The following PARVB variants were observed in gnomAD, a reference collection of about 807,000 sequenced individuals.
PARVB encodes beta-parvin.
Under a neutral mutation model 47.0 loss-of-function variants are expected in PARVB, and 46 were observed. The ratio of observed to expected loss-of-function variants is 0.98; its 90% CI spans 0.77 to 1.25. The LOEUF is 1.25. PARVB is among the 50% of genes most tolerant of loss of function. The probability of loss-of-function intolerance (pLI) is 0.00; values close to 1 mark genes in which losing one functional copy is unlikely to be tolerated. For synonymous variants in PARVB, 196 were observed against 196.3 expected (o/e 1.00, Z 0.01); for missense variants, 473 against 471.6 (o/e 1.00, Z -0.03).
intron 1 of PARVB, among the ~76,000 whole-genome samples, chr22:44,030,756 G>C (rs1478297539): frequency 6.9e-6 from 1 of 144,248 alleles, no homozygotes; most frequent in African/African-American, 2.7e-5. Flanking sequence ...TTGTGGGAGG[G>C]GTGGGAAAGG....
rs2054245271 is a variant in PARVB at position 44,169,597 on chromosome 22, A to C, written c.*919A>C. Reference sequence around the variant, plus strand: ...AGTGGCTCAGACATCAGAGAATTACATCCTCAGGCCTTTCGCCTTGGCTTG... The same window carrying C: ...AGTGGCTCAGACATCAGAGAATTACCTCCTCAGGCCTTTCGCCTTGGCTTG... On this transcript the variant is annotated 3_prime_UTR_variant, in exon 13 of 13. Coordinates refer to ENST00000338758, the MANE Select transcript of PARVB (RefSeq NM_013327.5). The C allele has an allele frequency of 6.6e-6, 1 of 150,502 alleles. No individual in the cohort carries two copies. The highest frequency in any genetic ancestry group is 2.5e-5 in the African/African-American group (1 of 39,794). 9.3% of individuals were successfully genotyped at this position (150,502 alleles called of 1,614,324 possible). A position where few individuals can be genotyped will look rare whatever the true frequency, so the allele number is the denominator to read the frequency against.
intron 2 of PARVB, among the ~76,000 whole-genome samples, chr22:44,006,450 G>A (rs558888375): frequency 1.1e-4 from 16 of 152,134 alleles, no homozygotes; most frequent in Non-Finnish European, 2.2e-4. Context: ...ATAGTGAAAC[G>A]CTGTCTCTAA....
At chr22:44,066,780 TCTCCTCCTCCTCCTCCTCCTC>T (rs199990350) in intron 1 of PARVB, among the ~76,000 whole-genome samples, 3 of 48,076 alleles carry the variant, frequency 6.2e-5, no homozygotes, top group Non-Finnish European at 1.2e-4. Flanking sequence ...CTTAATTATT[TCTCCTCCTCCTCCTCCTCCTC>T]CTCCTCCTCC....
At chr22:44,100,655 T>C (rs2052421311) in intron 3 of PARVB, among the ~76,000 whole-genome samples, 1 of 152,040 alleles carries the variant, frequency 6.6e-6, no homozygotes, top group Non-Finnish European at 1.5e-5. Flanking sequence ...CAGGGAACAG[T>C]GAGGGAAGGG....
intron 4 of PARVB, among the ~76,000 whole-genome samples, chr22:44,129,481 G>T (rs1482425224): frequency 1.3e-5 from 2 of 152,232 alleles, no homozygotes; most frequent in Non-Finnish European, 2.9e-5. Context: ...GGTGGCAGGT[G>T]CAACGGGGGC....
rs75859895 is a variant in PARVB, at chr22:44,125,076, G to A, written c.376+5936G>A. ...CAGGTGGTGGTGAGGGTGGGGGGAT[G>A]AGGTGCTGGGGAGGCCATGTCCCAT... On this transcript the variant is annotated intron_variant, in intron 4 of 12. Coordinates refer to ENST00000338758, the MANE Select transcript of PARVB (RefSeq NM_013327.5). This position sits in a 1 kb window ranked among gnomAD's most constrained non-coding sequence, Gnocchi z 4.1. Among the ~76,000 whole-genome samples the A allele has an allele frequency of 0.048, 7,262 of 152,144 alleles. 564 individuals are homozygous for A. The highest frequency in any genetic ancestry group is 0.17 in the African/African-American group (6,884 of 41,452).
chr22:44,038,672 C>T (rs2050963918), intron 1 of PARVB, among the ~76,000 whole-genome samples: 1 of 152,120 alleles, frequency 6.6e-6, no homozygotes, highest in African/African-American at 2.4e-5. Flanking sequence ...ATCCCAGCTA[C>T]TCGGGAGGCT....
intron 6 of PARVB, among the ~76,000 whole-genome samples, chr22:44,136,069 C>T (rs1039817739): frequency 2.6e-5 from 4 of 152,230 alleles, no homozygotes; most frequent in African/African-American, 9.6e-5. Flanking sequence ...CGTGCACACA[C>T]ATGATTGCAG....
At chr22:44,163,286 A>G (rs1410698336) in intron 11 of PARVB, among the ~76,000 whole-genome samples, 1 of 152,094 alleles carries the variant, frequency 6.6e-6, no homozygotes, top group African/African-American at 2.4e-5. Flanking sequence ...CCTGACCAAC[A>G]TGGCAAAACC....
intron 3 of PARVB, among the ~76,000 whole-genome samples, chr22:44,102,306 T>C (rs961777211): frequency 5.9e-5 from 9 of 152,182 alleles, no homozygotes; most frequent in African/African-American, 1.7e-4. Flanking sequence ...CAAATGCTCA[T>C]CTCCTCTGAA....
intron 1 of PARVB, among the ~76,000 whole-genome samples, chr22:44,051,723 A>C (rs1017860795): frequency 2.6e-5 from 4 of 152,296 alleles, no homozygotes; most frequent in Non-Finnish European, 4.4e-5. Flanking sequence ...TGTTCCCCTA[A>C]AAGGTATGTC....
upstream of PARVB, among the ~76,000 whole-genome samples, chr22:44,023,592 T>G (rs149549677): frequency 2.1e-5 from 3 of 144,140 alleles, no homozygotes; most frequent in South Asian, 2.2e-4. Context: ...TAAAATAAAA[T>G]AAAATAAAAT....
upstream of PARVB, among the ~76,000 whole-genome samples, chr22:44,021,588 A>G (rs982738154): frequency 6.6e-6 from 1 of 152,154 alleles, no homozygotes; most frequent in African/African-American, 2.4e-5. Context: ...GCTTATTGCT[A>G]TAGTCACTGA....
chr22:44,102,231 C>T (rs1044231793), intron 3 of PARVB, among the ~76,000 whole-genome samples: 12 of 152,124 alleles, frequency 7.9e-5, no homozygotes, highest in African/African-American at 2.9e-4. Flanking sequence ...CCTTTTTGTT[C>T]TATGGGATCA....
chr22:44,002,521 G>C (rs1347898925), intron 2 of PARVB, among the ~76,000 whole-genome samples: 3 of 152,194 alleles, frequency 2.0e-5, no homozygotes, highest in African/African-American at 7.2e-5. Context: ...GGCAGTGGGT[G>C]TTGGTGGAGG....
In PARVB at chr22:44,004,235, A is replaced by G. The variant is rs149001775; in HGVS notation, c.211+4562A>G. ...GGGAGCCTGGGTACCCCCTGCTGGC[A>G]GAGGTGCTGGGGCAGGAGCAGGCGC... On this transcript the variant is annotated intron_variant, in intron 2 of 13. Transcript: ENST00000406477. 7.9e-5 allele frequency among the ~76,000 whole-genome samples: 12 copies of G among 152,390 alleles called. No homozygotes were observed. The East Asian group carries it at 1.3e-3, about 17-fold the overall frequency.
chr22:44,081,633 T>C lies in PARVB; in HGVS notation c.113-12295T>C, dbSNP rs557203116. On this transcript the variant is annotated intron_variant, in intron 1 of 12. Coordinates refer to ENST00000338758, the MANE Select transcript of PARVB (RefSeq NM_013327.5). ...TGCTTTCCTTTATGAAGTGCGTTTC[T>C]CTAAGAGCCTGGCAGTCTCATGGGG... is the stretch of plus-strand genomic sequence containing the variant. 75 of 985,168 alleles carry C rather than the reference T, an allele frequency of 7.6e-5. No homozygotes were observed. The African/African-American group carries it at 1.1e-3, about 15-fold the overall frequency. The allele number at this position is 985,168 out of a possible 1,614,324, so 61.0% of individuals were successfully genotyped here.
In PARVB at chr22:44,037,577, T is replaced by C. The variant is rs923757922; in HGVS notation, c.112+13126T>C. 2.6e-5 allele frequency among the ~76,000 whole-genome samples: 4 copies of C among 152,252 alleles called. No homozygotes were observed. The East Asian group carries it at 5.8e-4, about 22-fold the overall frequency. On this transcript the variant is annotated intron_variant, in intron 1 of 12. Coordinates refer to ENST00000338758, the MANE Select transcript of PARVB (RefSeq NM_013327.5). ...ACACCAAGCTGGGAAGTCGGTGTTA[T>C]GTGGTTATTCCCATTTTGCAGATGG...
intron 8 of PARVB, chr22:44,146,198 G>C (rs890822010): frequency 1.6e-4 from 22 of 138,538 alleles, no homozygotes; most frequent in Admixed American, 7.3e-4. Flanking sequence ...GCACACCCGT[G>C]CTCACACGCA....
Sources: allele counts gnomAD v4.1 joint callset (sites outside exome capture counted in the v4.1 genomes callset), GRCh38; gene constraint gnomAD v4.1.1; non-coding constraint Gnocchi (gnomAD v3.1); transcripts MANE v1.5; gene names NCBI Gene and HGNC (gene_info 2026-07-23, HGNC 2026-07-21).